Variants in KCNQ3 observed in about 807,000 individuals in gnomAD.
The protein encoded by KCNQ3 is potassium voltage-gated channel subfamily Q member 3.
Under a neutral mutation model 92.5 loss-of-function variants are expected in KCNQ3, and 30 were observed. That is an observed-to-expected ratio of 0.32 (90% CI 0.24 to 0.44). The LOEUF is 0.44. KCNQ3 is among the 20% of genes least tolerant of loss of function. KCNQ3 has a pLI of 1.00. For synonymous variants in KCNQ3, 450 were observed against 468.8 expected, an observed-to-expected ratio of 0.96 and a Z score of 0.52; for missense variants, 913 against 1,140.3, an observed-to-expected ratio of 0.80 and a Z score of 2.87.
chr8:132,423,409 C>G (rs1821024029), intron 1 of KCNQ3, among the ~76,000 whole-genome samples: 1 of 152,298 alleles, frequency 6.6e-6, no homozygotes, highest in East Asian at 1.9e-4. Context: ...AATGGCAATA[C>G]TTACTCCTGA....
At chr8:132,205,904 C>A (rs1386236168) in intron 1 of KCNQ3, among the ~76,000 whole-genome samples, 2 of 152,084 alleles carry the variant, frequency 1.3e-5, no homozygotes, top group Non-Finnish European at 2.9e-5. Flanking sequence ...CAGAGCATCA[C>A]CTCTCTCTCT....
At chr8:132,316,105 T>C (rs898122139) in intron 1 of KCNQ3, among the ~76,000 whole-genome samples, 1 of 152,212 alleles carries the variant, frequency 6.6e-6, no homozygotes, top group Non-Finnish European at 1.5e-5. Context: ...TATTTTTTTT[T>C]CCTGAATTAC....
chr8:132,164,998 C>G (rs1012271891), intron 8 of KCNQ3, among the ~76,000 whole-genome samples: 2 of 152,202 alleles, frequency 1.3e-5, no homozygotes, highest in African/African-American at 4.8e-5. Context: ...ACTCCACAGA[C>G]CAGGCCATCT....
At chr8:132,315,472 G>C (rs1435045754) in intron 1 of KCNQ3, among the ~76,000 whole-genome samples, 3 of 152,128 alleles carry the variant, frequency 2.0e-5, no homozygotes, top group Admixed American at 6.5e-5. Context: ...TGAAGGAGCT[G>C]AGCTATGACC....
intron 1 of KCNQ3, among the ~76,000 whole-genome samples, chr8:132,359,343 G>A (rs988604915): frequency 2.0e-5 from 3 of 152,132 alleles, no homozygotes; most frequent in South Asian, 4.1e-4. Flanking sequence ...AGCATTGTTG[G>A]TGCATGGATT....
At position 132,409,219 on chromosome 8, in the gene KCNQ3, G is replaced by A. The variant is rs142521659; in HGVS notation, c.386+70928C>T. Reference sequence around the variant, plus strand: ...TCAAAATTGAGCCAAATTTGCCTTCGGAAAGTTTTTCCTATTCATCTCTAA... The same window carrying A: ...TCAAAATTGAGCCAAATTTGCCTTCAGAAAGTTTTTCCTATTCATCTCTAA... On this transcript the variant is annotated intron_variant, in intron 1 of 14. Transcript: ENST00000388996. Among the ~76,000 whole-genome samples, 821 of 152,080 alleles carry A rather than the reference G, an allele frequency of 5.4e-3. 10 individuals are homozygous for A. The highest frequency in any genetic ancestry group is 0.019 in the African/African-American group (772 of 41,490).
chr8:132,249,912 C>A (rs1251395830), intron 1 of KCNQ3, among the ~76,000 whole-genome samples: 1 of 152,206 alleles, frequency 6.6e-6, no homozygotes, highest in Admixed American at 6.5e-5. Flanking sequence ...CTAAGCCCCT[C>A]ACTGCCTGGG....
intron 1 of KCNQ3, among the ~76,000 whole-genome samples, chr8:132,386,529 G>C (rs928811665): frequency 2.0e-5 from 3 of 151,924 alleles, no homozygotes; most frequent in Non-Finnish European, 4.4e-5. Flanking sequence ...TTACCAAAGT[G>C]AGTTCAAAAA....
chr8:132,439,334 G>C (rs1189534208), intron 1 of KCNQ3, among the ~76,000 whole-genome samples: 1 of 152,048 alleles, frequency 6.6e-6, no homozygotes, highest in African/African-American at 2.4e-5. Context: ...GGAAGGCTCA[G>C]AGAGATGAAG....
intron 9 of KCNQ3, among the ~76,000 whole-genome samples, chr8:132,161,537 C>T (rs982808692): frequency 2.0e-5 from 3 of 151,656 alleles, no homozygotes; most frequent in Non-Finnish European, 2.9e-5. Flanking sequence ...AAGGCTGAGG[C>T]GGGAGAATCA....
Position 132,126,983 on chromosome 8 carries a change from T to A in KCNQ3, c.*2279A>T, listed in dbSNP as rs575798656. ...TCCTTTATTGTTGGTTTCCAGTAAC[T>A]CATGTACATAAAGAAGAGCATAGTA... On this transcript the variant is annotated 3_prime_UTR_variant, in exon 15 of 15. Coordinates refer to ENST00000388996, the MANE Select transcript of KCNQ3 (RefSeq NM_004519.4). The A allele has an allele frequency of 7.2e-5, 11 of 152,304 alleles. No homozygotes were observed. The South Asian group carries it at 1.9e-3, about 26-fold the overall frequency. The allele number at this position is 152,304 out of a possible 1,614,324, so 9.4% of individuals were successfully genotyped here. A position where few individuals can be genotyped will look rare whatever the true frequency, so the allele number is the denominator to read the frequency against.
rs539639354 is a variant in KCNQ3, at chr8:132,434,444, GC to G, written c.386+45702del. On this transcript the variant is annotated intron_variant, in intron 1 of 14. Transcript: ENST00000388996. ...ATGAAGAGGTTATTTTTTCTCTTTTGCTCACAGATCTATTCCAAGCACCTAG... is the reference window on the plus strand; with the variant it reads ...ATGAAGAGGTTATTTTTTCTCTTTTGTCACAGATCTATTCCAAGCACCTAG... 3.5e-3 allele frequency among the ~76,000 whole-genome samples: 539 copies of G among 152,104 alleles called. 1 individual carries two copies. The highest frequency in any genetic ancestry group is 5.0e-3 in the Non-Finnish European group (341 of 68,002).
intron 1 of KCNQ3, among the ~76,000 whole-genome samples, chr8:132,314,584 A>G (rs1817686728): frequency 6.6e-6 from 1 of 152,204 alleles, no homozygotes; most frequent in African/African-American, 2.4e-5. Flanking sequence ...CAATAAGGTC[A>G]AAAATGGTTA....
chr8:132,135,378 G>A (rs1310830256), intron 12 of KCNQ3, among the ~76,000 whole-genome samples: 2 of 152,110 alleles, frequency 1.3e-5, no homozygotes, highest in Non-Finnish European at 2.9e-5. Context: ...AAGCAGGCTT[G>A]AAGGCTTATC....
chr8:132,459,565 T>C (rs1417352034), intron 1 of KCNQ3, among the ~76,000 whole-genome samples: 2 of 152,128 alleles, frequency 1.3e-5, no homozygotes, highest in Non-Finnish European at 2.9e-5. Flanking sequence ...GGGGATTAAT[T>C]ATTCATGAGG....
intron 9 of KCNQ3, 106 bp downstream of exon 9, chr8:132,163,362 A>G: frequency 1.1e-6 from 1 of 928,744 alleles, no homozygotes; most frequent in Admixed American, 1.7e-5. Flanking sequence ...CAAAGACTCT[A>G]TCTTGGGACC....
chr8:132,160,078 CA>C (rs1329056658), intron 9 of KCNQ3, among the ~76,000 whole-genome samples: 2 of 152,142 alleles, frequency 1.3e-5, no homozygotes, highest in Admixed American at 6.5e-5. Flanking sequence ...GAGACAGGGT[CA>C]GGGGCAGAGG....
At chr8:132,181,954 A>G (rs1826793155) in intron 3 of KCNQ3, among the ~76,000 whole-genome samples, 1 of 151,798 alleles carries the variant, frequency 6.6e-6, no homozygotes, top group African/African-American at 2.4e-5. Context: ...CTGAGGCAGG[A>G]GAATGGCGTG....
At chr8:132,310,371 A>C (rs1456171308) in intron 1 of KCNQ3, among the ~76,000 whole-genome samples, 1 of 152,236 alleles carries the variant, frequency 6.6e-6, no homozygotes, top group African/African-American at 2.4e-5. Context: ...CTCTCTGAGC[A>C]TGAATCTATT....
Sources: allele counts gnomAD v4.1 joint callset (sites outside exome capture counted in the v4.1 genomes callset), GRCh38; gene constraint gnomAD v4.1.1; transcripts MANE v1.5; gene names NCBI Gene and HGNC (gene_info 2026-07-23, HGNC 2026-07-21).